LAPTM4B: variants seen among roughly 807,000 people sequenced by gnomAD.
The protein encoded by LAPTM4B is lysosomal-associated transmembrane protein 4B.
LAPTM4B carries 26 observed loss-of-function variants against 28.5 expected under a neutral mutation model. The observed-to-expected ratio is 0.91, with a 90% CI of 0.67 to 1.27. LAPTM4B has a LOEUF of 1.27. Ranked by LOEUF, LAPTM4B falls within the 50% of genes most tolerant of loss-of-function variation. The probability of loss-of-function intolerance (pLI) is 0.00; values close to 1 mark genes in which losing one functional copy is unlikely to be tolerated. For missense variants in LAPTM4B, 288 were observed against 285.8 expected (o/e 1.01, Z -0.06); for synonymous variants, 109 against 106.4 (o/e 1.02, Z -0.15).
At chr8:97,795,816 G>T (rs1038920990) in intron 1 of LAPTM4B, among the ~76,000 whole-genome samples, 2 of 133,768 alleles carry the variant, frequency 1.5e-5, no homozygotes, top group South Asian at 4.7e-4. Context: ...CAGCCTCAGC[G>T]ACAAAGTGAG....
At chr8:97,817,103 T>C (rs1586334016) in intron 4 of LAPTM4B, among the ~76,000 whole-genome samples, 1 of 152,106 alleles carries the variant, frequency 6.6e-6, no homozygotes, top group Non-Finnish European at 1.5e-5. Flanking sequence ...GGTGGCAGGG[T>C]ATTAAGAAGC....
chr8:97,792,377 C>A (rs1414062904), intron 1 of LAPTM4B, among the ~76,000 whole-genome samples: 1 of 151,960 alleles, frequency 6.6e-6, no homozygotes, highest in African/African-American at 2.4e-5. Flanking sequence ...ACCCCAGCTC[C>A]CCAGGCAGCT....
chr8:97,788,355 G>A (rs1481082211), intron 1 of LAPTM4B: 1 of 324,072 alleles, frequency 3.1e-6, no homozygotes, highest in East Asian at 8.8e-5. Flanking sequence ...CTTGTGAGAA[G>A]ACATGGCAAG....
At chr8:97,776,327 G>T (rs1456060933) in intron 1 of LAPTM4B, among the ~76,000 whole-genome samples, 1 of 152,254 alleles carries the variant, frequency 6.6e-6, no homozygotes, top group Non-Finnish European at 1.5e-5. Flanking sequence ...GGCCAGGGGC[G>T]CGGGGCGGAG....
intron 5 of LAPTM4B, among the ~76,000 whole-genome samples, chr8:97,823,331 A>G (rs1253040572): frequency 1.4e-5 from 2 of 142,074 alleles, no homozygotes; most frequent in Non-Finnish European, 3.1e-5. Context: ...GAATACAATC[A>G]TCATACAATA....
chr8:97,776,587 C>G (rs142574674), intron 1 of LAPTM4B, among the ~76,000 whole-genome samples: 162 of 152,338 alleles, frequency 1.1e-3, no homozygotes, highest in African/African-American at 3.7e-3. Flanking sequence ...GCTCGTTCTC[C>G]CTGGCCGCGT....
Position 97,846,327 on chromosome 8 carries a change from ATTTTTT to A in LAPTM4B, c.604-5057_604-5052del, listed in dbSNP as rs57959152. Among the ~76,000 whole-genome samples the A allele has an allele frequency of 3.6e-5, 5 of 138,880 alleles. No individual in the cohort carries two copies. In the East Asian group the frequency reaches 8.3e-4, roughly 23 times the overall value. 91.1% of individuals were successfully genotyped at this position (138,880 alleles called of 152,430 possible). ...AGTTCAGTTCTAACCAGAGTATCCAATTTTTTTTTTTTTTTTTTGAGATGGAGTTTC... is the reference window on the plus strand; with the variant it reads ...AGTTCAGTTCTAACCAGAGTATCCAATTTTTTTTTTTTGAGATGGAGTTTC... On this transcript the variant is annotated intron_variant, in intron 6 of 6. Transcript: ENST00000521545.
chr8:97,831,301 T>C (rs1176435585), intron 6 of LAPTM4B, among the ~76,000 whole-genome samples: 1 of 152,152 alleles, frequency 6.6e-6, no homozygotes, highest in Non-Finnish European at 1.5e-5. Context: ...TCTGTCCCTG[T>C]AGGAAAGGCT....
At chr8:97,790,315 A>ATT (rs762190127) in intron 1 of LAPTM4B, among the ~76,000 whole-genome samples, 1 of 140,306 alleles carries the variant, frequency 7.1e-6, no homozygotes, top group African/African-American at 2.6e-5. Context: ...TGGTTGTATA[A>ATT]TTTTTTTTTT....
intron 2 of LAPTM4B, among the ~76,000 whole-genome samples, chr8:97,806,978 G>A (rs543968459): frequency 3.9e-5 from 6 of 152,056 alleles, no homozygotes; most frequent in Non-Finnish European, 7.4e-5. Flanking sequence ...TCTTGTCACC[G>A]CCATGTAAGA....
intron 6 of LAPTM4B, among the ~76,000 whole-genome samples, chr8:97,849,852 G>C (rs961769954): frequency 6.9e-6 from 1 of 145,198 alleles, no homozygotes; most frequent in Non-Finnish European, 1.5e-5. Context: ...TGTTTCTGCA[G>C]TGTTCAGATC....
chr8:97,846,928 AG>A (rs1817442190), intron 6 of LAPTM4B, among the ~76,000 whole-genome samples: 1 of 152,168 alleles, frequency 6.6e-6, no homozygotes, highest in Admixed American at 6.5e-5. Context: ...CTAGGATGTC[AG>A]ATTTTGCAAC....
At position 97,852,914 on chromosome 8, in the gene LAPTM4B, G is replaced by A. The variant is rs1259828816; in HGVS notation, c.*1440G>A. The A allele has an allele frequency of 2.3e-6, 1 of 442,298 alleles. No individual in the cohort carries two copies. The allele number at this position is 442,298 out of a possible 1,614,324, so 27.4% of individuals were successfully genotyped here. On this transcript the variant is annotated 3_prime_UTR_variant, in exon 7 of 7. Coordinates refer to ENST00000521545, the MANE Select transcript of LAPTM4B (RefSeq NM_018407.6). ...AATTTCTAGAAATGAAGAACAATCC[G>A]TGGAGAATAAATTACCATTGGTGTG...
intron 2 of LAPTM4B, 51 bp from the exon 3 acceptor site, chr8:97,815,277 A>G (rs761128944): frequency 1.5e-6 from 2 of 1,356,532 alleles, no homozygotes; most frequent in South Asian, 2.3e-5. Context: ...TATTCAGTGG[A>G]TCCACTACTG....
chr8:97,814,620 C>T (rs761358570), intron 2 of LAPTM4B, among the ~76,000 whole-genome samples: 14 of 152,046 alleles, frequency 9.2e-5, no homozygotes, highest in Non-Finnish European at 1.5e-4. Context: ...CAAGGTGAGG[C>T]GAGATTAGAG....
intron 6 of LAPTM4B, among the ~76,000 whole-genome samples, chr8:97,834,321 C>T (rs1383408656): frequency 6.6e-6 from 1 of 151,822 alleles, no homozygotes; most frequent in Non-Finnish European, 1.5e-5. Flanking sequence ...AAAGGGAGCG[C>T]TATTAATGTT....
At chr8:97,846,917 TC>T (rs1817441893) in intron 6 of LAPTM4B, among the ~76,000 whole-genome samples, 1 of 152,164 alleles carries the variant, frequency 6.6e-6, no homozygotes, top group African/African-American at 2.4e-5. Flanking sequence ...TCACTTTTAT[TC>T]TAGGATGTCA....
Position 97,833,713 on chromosome 8 carries a change from G to A in LAPTM4B, c.603+8560G>A, listed in dbSNP as rs116763195. On this transcript the variant is annotated intron_variant, in intron 6 of 6. Transcript: ENST00000521545. ...GTTTGTTTTGCAAGACTACTTCATA[G>A]GTGACGATTTTTTCTTCCATTAGGA... Among the ~76,000 whole-genome samples the A allele has an allele frequency of 2.0e-3, 307 of 152,214 alleles. 1 individual carries two copies. The highest frequency in any genetic ancestry group is 7.2e-3 in the African/African-American group (299 of 41,510).
At chr8:97,799,403 CA>C (rs1161751604) in intron 1 of LAPTM4B, among the ~76,000 whole-genome samples, 1 of 152,146 alleles carries the variant, frequency 6.6e-6, no homozygotes, top group African/African-American at 2.4e-5. Flanking sequence ...AAACCAGAAA[CA>C]AAGAACTAAA....
Sources: allele counts gnomAD v4.1 joint callset (sites outside exome capture counted in the v4.1 genomes callset), GRCh38; gene constraint gnomAD v4.1.1; transcripts MANE v1.5; gene names NCBI Gene and HGNC (gene_info 2026-07-23, HGNC 2026-07-21).